The following ZMIZ1 variants were observed in gnomAD, a reference collection of about 807,000 sequenced individuals.
The protein encoded by ZMIZ1 is zinc finger MIZ-type containing 1, also known as zinc finger MIZ domain-containing protein 1.
A neutral mutation model predicts 113.9 loss-of-function variants in ZMIZ1; 17 were observed. The ratio of observed to expected loss-of-function variants is 0.15; its 90% confidence interval spans 0.10 to 0.22. ZMIZ1 has a LOEUF of 0.22. Among genes scored for constraint, ZMIZ1 ranks in the 10% least tolerant of loss-of-function variants. ZMIZ1 has a pLI of 1.00. For synonymous variants in ZMIZ1, 607 were observed against 603.1 expected (o/e 1.01, Z -0.09); for missense variants, 1,059 against 1,477.8 (o/e 0.72, Z 4.65).
At chr10:79,311,330 G>T (rs1250553) in intron 24 of ZMIZ1, 146 bp downstream of exon 24, 506,369 of 1,052,514 alleles carry the variant, frequency 0.48, 131,718 homozygotes, top group African/African-American at 0.69. Flanking sequence ...CCTGGCTCCA[G>T]ACCAGGAAGC....
At chr10:79,115,157 A>T (rs974646929) in intron 1 of ZMIZ1, among the ~76,000 whole-genome samples, 36 of 152,108 alleles carry the variant, frequency 2.4e-4, no homozygotes, top group African/African-American at 8.7e-4. Flanking sequence ...TTCTGCTTGC[A>T]TGCCTCTGGG....
chr10:79,274,206 T>C (rs1852121070), intron 7 of ZMIZ1, among the ~76,000 whole-genome samples: 1 of 152,202 alleles, frequency 6.6e-6, no homozygotes, highest in South Asian at 2.1e-4. Flanking sequence ...TGCCCTCCCA[T>C]TGCCTGGTAT....
intron 1 of ZMIZ1, among the ~76,000 whole-genome samples, chr10:79,072,862 C>T (rs1193328056): frequency 6.6e-6 from 1 of 152,248 alleles, no homozygotes; most frequent in East Asian, 1.9e-4. Flanking sequence ...ACAGCTCTGA[C>T]CTCTTAGCAG....
rs1247735302 is a variant in ZMIZ1, at chr10:79,118,798, G to A, written c.-336-117G>A. The A allele has an allele frequency of 6.6e-6, 1 of 152,328 alleles. No homozygotes were observed. The highest frequency in any genetic ancestry group is 1.5e-5 in the Non-Finnish European group (1 of 68,106). The allele number at this position is 152,328 out of a possible 1,614,324, so 9.4% of individuals were successfully genotyped here. A position where few individuals can be genotyped will look rare whatever the true frequency, so the allele number is the denominator to read the frequency against. ...TGTCTCGAGTAGCTCCACGTTGGTG[G>A]GCCAGTTCCATCTTCCAGGAGATGG... On this transcript the variant is annotated intron_variant, in intron 1 of 24. Coordinates refer to ENST00000334512, the MANE Select transcript of ZMIZ1 (RefSeq NM_020338.4). The surrounding 1 kb of genome is among the most constrained non-coding windows in gnomAD (Gnocchi z 4.1).
At chr10:79,090,456 G>A (rs557132846) in intron 1 of ZMIZ1, among the ~76,000 whole-genome samples, 18 of 152,304 alleles carry the variant, frequency 1.2e-4, no homozygotes, top group African/African-American at 4.3e-4. Flanking sequence ...CAGGGTGTGG[G>A]GCTGGTGGGG....
At chr10:79,312,563 AG>A in intron 24 of ZMIZ1, 78 bp from the exon 25 acceptor site, 1 of 1,479,604 alleles carries the variant, frequency 6.8e-7, no homozygotes, top group Non-Finnish European at 9.4e-7. Flanking sequence ...GGGACGGGCC[AG>A]GGCGCCCCTG....
At chr10:79,184,798 G>A (rs914994466) in intron 4 of ZMIZ1, among the ~76,000 whole-genome samples, 2 of 152,204 alleles carry the variant, frequency 1.3e-5, no homozygotes, top group African/African-American at 4.8e-5. Flanking sequence ...CCGCACAAGG[G>A]CCAAAGTGTG....
At chr10:79,125,531 A>T (rs1844476717) in intron 2 of ZMIZ1, among the ~76,000 whole-genome samples, 1 of 152,060 alleles carries the variant, frequency 6.6e-6, no homozygotes. Context: ...CCTCCCACTG[A>T]TGTTTGCCCC....
intron 7 of ZMIZ1, among the ~76,000 whole-genome samples, chr10:79,276,159 C>T (rs972533541): frequency 5.3e-5 from 8 of 152,164 alleles, no homozygotes; most frequent in Non-Finnish European, 1.0e-4. Context: ...AGGCAGGACA[C>T]GAGGCATTAC....
chr10:79,198,704 G>A (rs1847942242), intron 4 of ZMIZ1, among the ~76,000 whole-genome samples: 1 of 152,220 alleles, frequency 6.6e-6, no homozygotes, highest in African/African-American at 2.4e-5. Context: ...CGTGTGATGT[G>A]CCGATGTGAA....
intron 1 of ZMIZ1, among the ~76,000 whole-genome samples, chr10:79,104,063 G>T (rs1843467245): frequency 6.6e-6 from 1 of 152,204 alleles, no homozygotes; most frequent in Non-Finnish European, 1.5e-5. Context: ...GACAGCAGGA[G>T]TAGCAACATG....
At chr10:79,082,962 ACC>A (rs1842705246) in intron 1 of ZMIZ1, among the ~76,000 whole-genome samples, 1 of 152,074 alleles carries the variant, frequency 6.6e-6, no homozygotes, top group Admixed American at 6.5e-5. Context: ...TCGCCCAGCT[ACC>A]CAAGGAAGGT....
intron 8 of ZMIZ1, among the ~76,000 whole-genome samples, chr10:79,286,294 A>AC (rs1853071785): frequency 6.6e-6 from 1 of 152,204 alleles, no homozygotes; most frequent in Non-Finnish European, 1.5e-5. Context: ...ATCCTTGGGA[A>AC]CAGGGACCAG....
intron 8 of ZMIZ1, among the ~76,000 whole-genome samples, chr10:79,286,940 C>G (rs1853130304): frequency 6.6e-6 from 1 of 152,222 alleles, no homozygotes; most frequent in African/African-American, 2.4e-5. Flanking sequence ...GTCTCAAGGC[C>G]ATCAGCCTGG....
chr10:79,291,945 T>A (rs1853521304), intron 10 of ZMIZ1, among the ~76,000 whole-genome samples: 1 of 152,184 alleles, frequency 6.6e-6, no homozygotes, highest in Non-Finnish European at 1.5e-5. Context: ...CCCGACAGCA[T>A]GCAGTGAGGG....
intron 7 of ZMIZ1, among the ~76,000 whole-genome samples, chr10:79,253,489 G>A (rs1589495510): frequency 1.3e-5 from 2 of 152,234 alleles, no homozygotes; most frequent in African/African-American, 4.8e-5. Flanking sequence ...GGATTGTCTT[G>A]GGCGTTTCTA....
At chr10:79,298,663 C>T in intron 15 of ZMIZ1, 83 bp downstream of exon 15, 1 of 1,312,908 alleles carries the variant, frequency 7.6e-7, no homozygotes, top group Non-Finnish European at 1.0e-6. Context: ...GTCAGGCTGC[C>T]TGGGGAGTGG....
chr10:79,075,608 C>G (rs991566218), intron 1 of ZMIZ1, among the ~76,000 whole-genome samples: 1 of 152,066 alleles, frequency 6.6e-6, no homozygotes, highest in African/African-American at 2.4e-5. Context: ...CACATGCAAA[C>G]GCATGCACAC....
intron 7 of ZMIZ1, among the ~76,000 whole-genome samples, chr10:79,225,290 A>G (rs1424904507): frequency 6.6e-6 from 1 of 152,192 alleles, no homozygotes; most frequent in Non-Finnish European, 1.5e-5. Flanking sequence ...GAAATTTTAT[A>G]TTGCTTCCTT....
Sources: gnomAD v4.1 joint callset for allele counts (sites outside exome capture counted in the v4.1 genomes callset) on GRCh38, gnomAD v4.1.1 for gene constraint, Gnocchi (gnomAD v3.1) non-coding constraint, MANE v1.5 for transcripts, NCBI Gene and HGNC (gene_info 2026-07-23, HGNC 2026-07-21) for gene names.